The following NXPE4 variants were observed in gnomAD, a reference collection of about 807,000 sequenced individuals.
The protein encoded by NXPE4 is neurexophilin and PC-esterase domain family member 4.
Under a neutral mutation model 33.3 loss-of-function variants are expected in NXPE4, and 42 were observed. The observed-to-expected ratio is 1.26, with a 90% confidence interval of 0.98 to 1.63. The LOEUF (loss-of-function observed/expected upper bound fraction) is 1.63. NXPE4 is among the 40% of genes most tolerant of loss of function. The pLI is 0.00. For missense variants in NXPE4, 709 were observed against 647.6 expected (o/e 1.09, Z -1.03); for synonymous variants, 253 against 234.9 (o/e 1.08, Z -0.71).
the NXPE4 span, among the ~76,000 whole-genome samples, chr11:114,636,355 T>C: frequency 3.3e-5 from 5 of 151,756 alleles, no homozygotes; most frequent in Admixed American, 6.6e-5. Context: ...CTTCTCTCTT[T>C]TTTTCTTTAT....
chr11:114,579,335 G>A (rs947537116), intron 5 of NXPE4, among the ~76,000 whole-genome samples: 2 of 152,190 alleles, frequency 1.3e-5, no homozygotes, highest in African/African-American at 4.8e-5. Context: ...CACCTCCAGT[G>A]TTGGAGATCA....
the NXPE4 span, among the ~76,000 whole-genome samples, chr11:114,667,930 T>G: frequency 6.6e-6 from 1 of 151,708 alleles, no homozygotes; most frequent in Non-Finnish European, 1.5e-5. Context: ...ATTACTAAGT[T>G]ACACAGCAGT....
the NXPE4 span, among the ~76,000 whole-genome samples, chr11:114,604,329 T>C: frequency 6.6e-6 from 1 of 151,956 alleles, no homozygotes; most frequent in African/African-American, 2.4e-5. Flanking sequence ...AAAATAAGTG[T>C]TGCTTCGTGG....
the NXPE4 span, among the ~76,000 whole-genome samples, chr11:114,642,436 C>T: frequency 1.3e-5 from 2 of 152,112 alleles, no homozygotes; most frequent in Admixed American, 1.3e-4. Context: ...CCCCCAGCCC[C>T]CGACAGGCCC....
the NXPE4 span, among the ~76,000 whole-genome samples, chr11:114,666,924 A>G: frequency 2.0e-5 from 3 of 152,182 alleles, no homozygotes; most frequent in African/African-American, 4.8e-5. Flanking sequence ...ATATACATAA[A>G]AAACACCCCT....
the NXPE4 span, among the ~76,000 whole-genome samples, chr11:114,615,927 A>G: frequency 2.0e-5 from 3 of 151,626 alleles, no homozygotes; most frequent in Non-Finnish European, 4.4e-5. Context: ...GGTGGATAAT[A>G]TGTATCGACT....
At chr11:114,633,030 T>G in the NXPE4 span, among the ~76,000 whole-genome samples, 4 of 112,544 alleles carry the variant, frequency 3.6e-5, no homozygotes, top group African/African-American at 1.5e-4. Flanking sequence ...TATAATGTAA[T>G]ATTTTATTAT....
At chr11:114,585,402 G>A (rs1213771564) in intron 2 of NXPE4, among the ~76,000 whole-genome samples, 1 of 151,990 alleles carries the variant, frequency 6.6e-6, no homozygotes, top group Non-Finnish European at 1.5e-5. Context: ...CAGCTTTAAG[G>A]ACACACATAG....
chr11:114,581,663 A>G, intron 4 of NXPE4, 62 bp downstream of exon 4: 2 of 1,332,004 alleles, frequency 1.5e-6, no homozygotes. Flanking sequence ...TCCAGTAGAA[A>G]GAAGAAACCC....
the NXPE4 span, among the ~76,000 whole-genome samples, chr11:114,634,275 C>T: frequency 6.6e-6 from 1 of 151,994 alleles, no homozygotes; most frequent in African/African-American, 2.4e-5. Flanking sequence ...TGAGAAGTGT[C>T]TGTTCATGTC....
the NXPE4 span, among the ~76,000 whole-genome samples, chr11:114,653,764 G>A: frequency 3.3e-5 from 5 of 151,880 alleles, no homozygotes; most frequent in African/African-American, 1.2e-4. Context: ...TCCTGACCTC[G>A]TGATCTGCCC....
the NXPE4 span, among the ~76,000 whole-genome samples, chr11:114,645,475 A>T: frequency 6.6e-6 from 1 of 152,194 alleles, no homozygotes; most frequent in Non-Finnish European, 1.5e-5. Flanking sequence ...GATTTCTGAA[A>T]GACAAACAAA....
chr11:114,574,235 A>G (rs1948950610), intron 5 of NXPE4, among the ~76,000 whole-genome samples: 1 of 152,032 alleles, frequency 6.6e-6, no homozygotes, highest in Non-Finnish European at 1.5e-5. Context: ...AAGTTCATAG[A>G]CTTAAATGCC....
At chr11:114,606,048 C>G in the NXPE4 span, among the ~76,000 whole-genome samples, 2 of 151,846 alleles carry the variant, frequency 1.3e-5, no homozygotes, top group African/African-American at 2.4e-5. Flanking sequence ...TAAGGTCTGC[C>G]TCGTGGGTAA....
chr11:114,641,978 C>T, the NXPE4 span, among the ~76,000 whole-genome samples: 1 of 151,916 alleles, frequency 6.6e-6, no homozygotes, highest in Non-Finnish European at 1.5e-5. Flanking sequence ...TATAACAACA[C>T]AATTGATGAG....
At chr11:114,578,466 T>A (rs1226322696) in intron 5 of NXPE4, among the ~76,000 whole-genome samples, 1 of 152,192 alleles carries the variant, frequency 6.6e-6, no homozygotes, top group Non-Finnish European at 1.5e-5. Context: ...CCCTGAATTT[T>A]GTAGATGAGG....
At chr11:114,642,723 T>C in the NXPE4 span, among the ~76,000 whole-genome samples, 7 of 152,086 alleles carry the variant, frequency 4.6e-5, no homozygotes, top group Non-Finnish European at 1.0e-4. Flanking sequence ...GCAATATACA[T>C]ATGTGTGCAT....
At chr11:114,576,563 A>C (rs975297399) in intron 5 of NXPE4, among the ~76,000 whole-genome samples, 1 of 152,162 alleles carries the variant, frequency 6.6e-6, no homozygotes, top group African/African-American at 2.4e-5. Flanking sequence ...TCTCCAAAGA[A>C]GATATACAGA....
At chr11:114,632,891 AATT>A in the NXPE4 span, among the ~76,000 whole-genome samples, 1 of 64,026 alleles carries the variant, frequency 1.6e-5, no homozygotes, top group Non-Finnish European at 2.7e-5. Context: ...TATATTATAT[AATT>A]TTATGTAATA....
Sources: gnomAD v4.1 joint callset for allele counts (sites outside exome capture counted in the v4.1 genomes callset) on GRCh38, gnomAD v4.1.1 for gene constraint, MANE v1.5 for transcripts, NCBI Gene and HGNC (gene_info 2026-07-23, HGNC 2026-07-21) for gene names.